Variants in HACD3 observed in about 807,000 individuals in gnomAD.
HACD3 encodes 3-hydroxyacyl-CoA dehydratase 3.
In HACD3, 30 loss-of-function variants were observed where a neutral mutation model predicts 55.2. The observed-to-expected ratio is 0.54, with a 90% CI of 0.41 to 0.74. The LOEUF is 0.74. Ranked by LOEUF, HACD3 falls within the 30% of genes least tolerant of loss-of-function variation. The pLI, the probability that HACD3 is intolerant of heterozygous loss-of-function variation, is 0.00. For missense variants in HACD3, 363 were observed against 440.1 expected (o/e 0.82, Z 1.57); for synonymous variants, 141 against 151.7 (o/e 0.93, Z 0.52).
intron 1 of HACD3, among the ~76,000 whole-genome samples, chr15:65,537,949 AAAAAAAAAAATATATATATATAT>A (rs1318471511): frequency 0.087 from 4,932 of 56,814 alleles, 255 homozygotes; most frequent in Middle Eastern, 0.12. Flanking sequence ...AAAAAAAAAA[AAAAAAAAAAATATATATATATAT>A]ATATATATAT....
At chr15:65,558,828 C>G in intron 5 of HACD3, 97 bp downstream of exon 5, 3 of 1,407,904 alleles carry the variant, frequency 2.1e-6, no homozygotes, top group Non-Finnish European at 2.9e-6. Context: ...ATGATTTCAT[C>G]CCGGTGAGCT....
intron 5 of HACD3, among the ~76,000 whole-genome samples, chr15:65,561,952 A>G (rs1267833679): frequency 6.6e-6 from 1 of 152,184 alleles, no homozygotes; most frequent in Non-Finnish European, 1.5e-5. Context: ...CATTTATTAT[A>G]AGGGATATTA....
At chr15:65,530,830 C>G (rs1401369742) in intron 1 of HACD3, 112 bp downstream of exon 1, 3 of 1,068,452 alleles carry the variant, frequency 2.8e-6, no homozygotes, top group African/African-American at 3.3e-5. Flanking sequence ...AGTGCGCCAA[C>G]AAGGTCGGCG....
chr15:65,532,371 A>G (rs1028794017), intron 1 of HACD3, among the ~76,000 whole-genome samples: 3 of 152,344 alleles, frequency 2.0e-5, no homozygotes, highest in Middle Eastern at 6.8e-3. Flanking sequence ...CACGCCTGTA[A>G]TGCCAACACT....
intron 7 of HACD3, among the ~76,000 whole-genome samples, chr15:65,569,254 A>AAG (rs2072325048): frequency 6.6e-6 from 1 of 151,616 alleles, no homozygotes; most frequent in African/African-American, 2.4e-5. Context: ...TCTCAAAAAA[A>AAG]AAAAAAACAA....
chr15:65,576,071 G>A (rs1224507593), intron 10 of HACD3, among the ~76,000 whole-genome samples: 1 of 152,244 alleles, frequency 6.6e-6, no homozygotes, highest in African/African-American at 2.4e-5. Context: ...TCCAGCCTGG[G>A]TGACAGAATG....
Position 65,576,396 on chromosome 15 carries a change from G to T in HACD3, c.*17G>T. 2 of 1,586,152 alleles carry T rather than the reference G, an allele frequency of 1.3e-6. No individual in the cohort carries two copies. The highest frequency in any genetic ancestry group is 1.7e-6 in the Non-Finnish European group (2 of 1,165,662). On this transcript the variant is annotated 3_prime_UTR_variant, in exon 11 of 11. Transcript: ENST00000261875. ...ATCCACTAAAAAGAAAGATTTAGAT[G>T]GCTTCTTGCCAGTTTGAGCCTAATC... is the stretch of plus-strand genomic sequence containing the variant.
chr15:65,558,670 T>C lies in HACD3; in HGVS notation c.370-10T>C. On this transcript the variant is annotated splice_polypyrimidine_tract_variant and intron_variant, in intron 4 of 10. Transcript: ENST00000261875. ...CTTGTGTTCTTGGAAAACTTTTGTCTAAATTCTAGGAAGAAGAGCGCCTAA... is the reference window on the plus strand; with the variant it reads ...CTTGTGTTCTTGGAAAACTTTTGTCCAAATTCTAGGAAGAAGAGCGCCTAA... 1 of 1,589,094 alleles carries C rather than the reference T, an allele frequency of 6.3e-7. No homozygotes were observed. The highest frequency in any genetic ancestry group is 8.6e-7 in the Non-Finnish European group (1 of 1,167,232).
intron 1 of HACD3, among the ~76,000 whole-genome samples, chr15:65,537,540 C>T (rs377217018): frequency 1.8e-4 from 28 of 151,468 alleles, no homozygotes; most frequent in African/African-American, 5.1e-4. Flanking sequence ...TCTGTAATCC[C>T]GGCACTTTGG....
chr15:65,535,800 G>A (rs1304042936), intron 1 of HACD3: 1 of 651,094 alleles, frequency 1.5e-6, no homozygotes, highest in Admixed American at 2.2e-5. Context: ...GGTTTGAGCA[G>A]TCCTCCTGGC....
intron 3 of HACD3, among the ~76,000 whole-genome samples, chr15:65,556,050 A>G (rs1216585511): frequency 6.6e-6 from 1 of 152,146 alleles, no homozygotes; most frequent in Non-Finnish European, 1.5e-5. Context: ...TGTCCTTACC[A>G]GTTCTCCATG....
At chr15:65,558,174 T>G (rs2072212622) in intron 4 of HACD3, among the ~76,000 whole-genome samples, 2 of 152,200 alleles carry the variant, frequency 1.3e-5, no homozygotes, top group African/African-American at 2.4e-5. Context: ...AATATATGTT[T>G]GGATAGTAAC....
intron 4 of HACD3, 117 bp from the exon 5 acceptor site, chr15:65,558,563 A>G: frequency 1.1e-6 from 1 of 911,612 alleles, no homozygotes; most frequent in Non-Finnish European, 1.8e-6. Flanking sequence ...TGATGCACTG[A>G]CCCCAACTGG....
chr15:65,553,156 A>C (rs1228102507), intron 2 of HACD3: 1 of 152,120 alleles, frequency 6.6e-6, no homozygotes, highest in African/African-American at 2.4e-5. Flanking sequence ...GTATCATTCC[A>C]ATTTTAGTAT....
intron 1 of HACD3, among the ~76,000 whole-genome samples, chr15:65,548,512 CAA>C (rs5813362): frequency 1.3e-3 from 102 of 79,172 alleles, no homozygotes; most frequent in Middle Eastern, 0.019. Context: ...GATTCTGTCT[CAA>C]AAAAAAAAAA....
chr15:65,551,214 C>G (rs1006137715), intron 1 of HACD3: 1 of 159,856 alleles, frequency 6.3e-6, no homozygotes, highest in Non-Finnish European at 1.4e-5. Flanking sequence ...CCTAACTCTG[C>G]TAACACTTAC....
intron 1 of HACD3, among the ~76,000 whole-genome samples, chr15:65,546,637 C>G (rs763299076): frequency 5.9e-5 from 9 of 152,112 alleles, no homozygotes; most frequent in Non-Finnish European, 1.3e-4. Context: ...CTCTGTCACC[C>G]AGGCTGGAGT....
At chr15:65,559,704 G>A (rs930423841) in intron 5 of HACD3, among the ~76,000 whole-genome samples, 3 of 151,748 alleles carry the variant, frequency 2.0e-5, no homozygotes, top group African/African-American at 4.8e-5. Flanking sequence ...TTTGAATAGC[G>A]ACTACCTTAG....
chr15:65,572,193 C>T (rs969875725), intron 9 of HACD3, 42 bp from the exon 10 acceptor site: 3 of 1,604,932 alleles, frequency 1.9e-6, no homozygotes, highest in Admixed American at 1.7e-5. Flanking sequence ...TTAAATGTGA[C>T]TGTTTCATTT....
Sources: gnomAD v4.1 joint callset for allele counts (sites outside exome capture counted in the v4.1 genomes callset) on GRCh38, gnomAD v4.1.1 for gene constraint, MANE v1.5 for transcripts, NCBI Gene and HGNC (gene_info 2026-07-23, HGNC 2026-07-21) for gene names.